The following VPS13D variants were observed in gnomAD, a reference collection of about 807,000 sequenced individuals.
VPS13D encodes vacuolar protein sorting 13 homolog D, also known as intermembrane lipid transfer protein VPS13D.
A neutral mutation model predicts 461.9 loss-of-function variants in VPS13D; 187 were observed. The ratio of observed to expected loss-of-function variants is 0.40; its 90% CI spans 0.36 to 0.46. The LOEUF is 0.46. Ranked by LOEUF, VPS13D falls within the 20% of genes least tolerant of loss-of-function variation. The pLI is 0.60. For missense variants in VPS13D, 4,711 were observed against 5,364.9 expected, an observed-to-expected ratio of 0.88 and a Z score of 3.81; for synonymous variants, 1,951 against 1,986.3, an observed-to-expected ratio of 0.98 and a Z score of 0.47.
chr1:12,368,602 G>T lies in VPS13D; in HGVS notation c.10572+11G>T. 6.2e-7 allele frequency: 1 copy of T among 1,609,494 alleles called. No homozygotes were observed. On this transcript the variant is annotated intron_variant, in intron 53 of 69. Transcript: ENST00000620676. ...GACAACTTTTCTAAGGTATCAAGTG[G>T]AGCTGAGAGCCAGTTTGACTGTTTC...
At position 12,261,960 on chromosome 1, in the gene VPS13D, C is replaced by T. The variant is rs763152382; in HGVS notation, c.1474C>T (p.Arg492Ter). Residue 492 changes from arginine (R) to a stop codon, truncating the protein, a stop_gained, in exon 13 of 70, where the codon CGA becomes TGA. Coordinates refer to ENST00000620676, the MANE Select transcript of VPS13D (RefSeq NM_015378.4). LOFTEE classifies it high-confidence loss of function. ...CTCGTGTATGAACACGTATACAAAG[C>T]GAGATCATGTCTTTGCCAAACTGAA... ...DASCMNTYTK[R>*]DHVFAKLNLQ... is the part of the protein sequence containing the mutation. 6 of 1,614,138 alleles carry T rather than the reference C, an allele frequency of 3.7e-6. No individual in the cohort carries two copies. Among genetic ancestry groups the T allele is most frequent in the Non-Finnish European group, 5.1e-6 (6 of 1,180,012 alleles).
intron 50 of VPS13D, among the ~76,000 whole-genome samples, chr1:12,361,540 C>T (rs996971481): frequency 2.7e-5 from 4 of 150,024 alleles, no homozygotes; most frequent in East Asian, 1.9e-4. Context: ...GGACTACAGG[C>T]GCCCGCCACT....
At chr1:12,312,046 AGTGT>A in intron 29 of VPS13D, 121 bp downstream of exon 29, 2 of 796,184 alleles carry the variant, frequency 2.5e-6, no homozygotes, top group Non-Finnish European at 2.0e-6. Flanking sequence ...TTGTCTGCAG[AGTGT>A]CTTTTGGTTG....
chr1:12,319,461 C>T (rs780219491), intron 31 of VPS13D, 36 bp from the exon 32 acceptor site: 5 of 1,610,558 alleles, frequency 3.1e-6, no homozygotes, highest in Non-Finnish European at 4.2e-6. Flanking sequence ...TCCAGCTTCC[C>T]AGCTCTGGCT....
Position 12,262,853 on chromosome 1 carries a change from G to A in VPS13D, c.1594+773G>A, listed in dbSNP as rs895714896. 8.6e-5 allele frequency among the ~76,000 whole-genome samples: 13 copies of A among 151,968 alleles called. No individual in the cohort carries two copies. The East Asian group carries it at 1.9e-3, about 23-fold the overall frequency. ...TGAGTAGCTGTGACTACAGGCGCGC[G>A]CCACCATGCCCAGCTAATTTTTGTA... On this transcript the variant is annotated intron_variant, in intron 13 of 69. Transcript: ENST00000620676.
chr1:12,433,728 A>T (rs1206370091), intron 65 of VPS13D, among the ~76,000 whole-genome samples: 1 of 152,126 alleles, frequency 6.6e-6, no homozygotes, highest in Non-Finnish European at 1.5e-5. Flanking sequence ...GGAGGAAGAT[A>T]CCAAACTCAT....
In VPS13D at chr1:12,314,182, G is replaced by C. The variant is rs2101507503; in HGVS notation, c.7003G>C (p.Val2335Leu). The change falls in exon 30 of 70, where the codon GTT (valine) becomes CTT (leucine). Residue 2335 changes from valine (V) to leucine (L), a missense_variant. Physicochemically the swap from Val to Leu is conservative, Grantham distance 32. This residue lies in a region of VPS13D where 4,411 missense variants were observed against 4,937.8 expected (regional missense o/e 0.89). Transcript: ENST00000620676. ...FSNQTKSINL[V>L]SHSMMAFDTR... The stretch of plus-strand genomic sequence containing the variant: ...CAACCAAACCAAGTCCATTAACTTG[G>C]TTTCCCATTCCATGATGGCTTTTGA... 1.2e-6 allele frequency: 2 copies of C among 1,614,098 alleles called. No homozygotes were observed. Among genetic ancestry groups the C allele is most frequent in the Middle Eastern group, 3.3e-4 (2 of 6,062 alleles).
rs1266725558 is a variant in VPS13D at position 12,308,537 on chromosome 1, T to C, written c.6546T>C (p.Ser2182=). Residue 2182 remains serine (S), a synonymous_variant, in exon 27 of 70, where the codon AGT becomes AGC. Transcript: ENST00000620676. ...AATACTCGAAGGCACCAGAGGATAGTAGTGGAGATCTGATCTTCCCTTCCT... is the reference window on the plus strand; with the variant it reads ...AATACTCGAAGGCACCAGAGGATAGCAGTGGAGATCTGATCTTCCCTTCCT... ...PREYSKAPED[S]SGDLIFPSYF... is the part of the protein sequence containing the mutation. The C allele has an allele frequency of 3.1e-6, 5 of 1,614,012 alleles. 1 individual carries two copies. In the South Asian group the frequency reaches 5.5e-5, roughly 18 times the overall value.
intron 1 of VPS13D, among the ~76,000 whole-genome samples, chr1:12,232,271 T>C (rs2101166145): frequency 6.6e-6 from 1 of 152,374 alleles, no homozygotes; most frequent in East Asian, 1.9e-4. Flanking sequence ...AAGATATTGT[T>C]GACAAACAAA....
At chr1:12,492,149 G>T (rs770311461) in intron 67 of VPS13D, among the ~76,000 whole-genome samples, 5 of 152,230 alleles carry the variant, frequency 3.3e-5, no homozygotes, top group Non-Finnish European at 7.3e-5. Flanking sequence ...AAAGCCACCA[G>T]GGAGGCCGCA....
At chr1:12,428,409 A>G (rs1644952612) in intron 65 of VPS13D, among the ~76,000 whole-genome samples, 1 of 152,240 alleles carries the variant, frequency 6.6e-6, no homozygotes, top group South Asian at 2.1e-4. Context: ...CCTAAGAACA[A>G]GGACATTTTC....
At chr1:12,360,444 TTTA>T (rs1239576292) in intron 50 of VPS13D, among the ~76,000 whole-genome samples, 5 of 152,142 alleles carry the variant, frequency 3.3e-5, no homozygotes, top group Admixed American at 2.6e-4. Flanking sequence ...AACTTATTGA[TTTA>T]TCAGGGGTTT....
At chr1:12,465,090 G>A (rs1386563870) in intron 67 of VPS13D, 1 of 152,218 alleles carries the variant, frequency 6.6e-6, no homozygotes, top group East Asian at 1.9e-4. Context: ...TGTTTGAAAA[G>A]ATACTTAGTA....
chr1:12,459,510 C>T (rs1306276793), intron 66 of VPS13D, among the ~76,000 whole-genome samples: 12 of 145,654 alleles, frequency 8.2e-5, no homozygotes, highest in East Asian at 3.9e-4. Context: ...GAGACAGTCT[C>T]GCTCGGTCGC....
intron 57 of VPS13D, among the ~76,000 whole-genome samples, chr1:12,382,293 G>A (rs535405191): frequency 6.6e-6 from 1 of 152,064 alleles, no homozygotes; most frequent in Non-Finnish European, 1.5e-5. Flanking sequence ...GTAGAGATAG[G>A]GTTTCACCAT....
chr1:12,244,533 G>T lies in VPS13D; in HGVS notation c.367-4G>T, dbSNP rs755205673. 3 of 1,614,172 alleles carry T rather than the reference G, an allele frequency of 1.9e-6. No individual in the cohort carries two copies. The highest frequency in any genetic ancestry group is 2.2e-5 in the East Asian group (1 of 44,892). Reference sequence around the variant, plus strand: ...TGAGCTAATGCTGACTCTTGTCTTTGTAGAATGACCGCCAGCAGAAAGGGG... The same window carrying T: ...TGAGCTAATGCTGACTCTTGTCTTTTTAGAATGACCGCCAGCAGAAAGGGG... On this transcript the variant is annotated splice_polypyrimidine_tract_variant and splice_region_variant and intron_variant, in intron 4 of 69. Coordinates refer to ENST00000620676, the MANE Select transcript of VPS13D (RefSeq NM_015378.4).
At chr1:12,287,353 A>G (rs1469034827) in intron 21 of VPS13D, among the ~76,000 whole-genome samples, 1 of 151,768 alleles carries the variant, frequency 6.6e-6, no homozygotes, top group Non-Finnish European at 1.5e-5. Flanking sequence ...CTTCTATTAC[A>G]TTCCTTTTTT....
chr1:12,443,095 A>T (rs1645149622), intron 65 of VPS13D, among the ~76,000 whole-genome samples: 1 of 152,236 alleles, frequency 6.6e-6, no homozygotes. Flanking sequence ...TCCAGGTGAC[A>T]TCTTCTTCCT....
chr1:12,455,913 T>A (rs1026461816), intron 65 of VPS13D, 85 bp from the exon 66 acceptor site: 13 of 1,458,484 alleles, frequency 8.9e-6, no homozygotes, highest in Non-Finnish European at 1.2e-5. Flanking sequence ...TAATTGTATT[T>A]AATTTAAATT....
Sources: gnomAD v4.1 joint callset for allele counts (sites outside exome capture counted in the v4.1 genomes callset) on GRCh38, gnomAD v4.1.1 for gene constraint, gnomAD v4.1.1 regional missense constraint, MANE v1.5 for transcripts, NCBI Gene and HGNC (gene_info 2026-07-23, HGNC 2026-07-21) for gene names.